HDX: variants seen among roughly 807,000 people sequenced by gnomAD.
HDX encodes the protein chromosome X open reading frame 43.
Under a neutral mutation model 45.2 loss-of-function variants are expected in HDX, and 19 were observed. The observed-to-expected ratio is 0.42, with a 90% CI of 0.29 to 0.62. The LOEUF is 0.62. HDX is among the 20% of genes least tolerant of loss of function. The pLI is 0.20. For missense variants in HDX, 532 were observed against 493.9 expected (o/e 1.08, Z -0.73); for synonymous variants, 188 against 172.8 (o/e 1.09, Z -0.69).
chrX:84,360,059 A>G (rs1267468873), intron 6 of HDX, among the ~76,000 whole-genome samples: 1 of 111,974 alleles, frequency 8.9e-6, no homozygotes, highest in Non-Finnish European at 1.9e-5. Flanking sequence ...TACACAGTCT[A>G]CGAGGAACTT....
At chrX:84,364,674 T>G (rs981789356) in intron 5 of HDX, among the ~76,000 whole-genome samples, 1 of 108,289 alleles carries the variant, frequency 9.2e-6, no homozygotes, top group African/African-American at 3.4e-5. Flanking sequence ...AGCTAATTTT[T>G]TGTATTTTTA....
chrX:84,488,324 A>AAC (rs200905875), intron 1 of HDX, among the ~76,000 whole-genome samples, 192 bp from the exon 2 acceptor site: 3,222 of 94,814 alleles, frequency 0.034, 126 homozygotes, highest in East Asian at 0.14. Flanking sequence ...TAAAATCTAA[A>AAC]ACACACACAC....
At chrX:84,391,551 G>A (rs1329057880) in intron 5 of HDX, among the ~76,000 whole-genome samples, 1 of 110,462 alleles carries the variant, frequency 9.1e-6, no homozygotes, top group East Asian at 2.9e-4. Context: ...GTGGCTCTAC[G>A]GCATTATATT....
intron 5 of HDX, among the ~76,000 whole-genome samples, chrX:84,391,549 A>G (rs1486906227): frequency 9.0e-6 from 1 of 110,988 alleles, no homozygotes; most frequent in Non-Finnish European, 1.9e-5. Context: ...TAGTGGCTCT[A>G]CGGCATTATA....
rs777763154 is a variant in HDX, at chrX:84,361,554, T to C, written c.1364A>G (p.Asp455Gly). The stretch of plus-strand genomic sequence containing the variant: ...AGAGCCCAGGCTGGTCATGCCATTG[T>C]CCCAATACTTCTTAAGGGTGGCTAA... The part of the protein sequence containing the change: ...RDLATLKKYW[D>G]NGMTSLGSVC... The change falls in exon 6 of 11, where the codon GAC (aspartate) becomes GGC (glycine). Residue 455 changes from aspartate (D) to glycine (G), a missense_variant. Coordinates refer to ENST00000373177, the MANE Select transcript of HDX (RefSeq NM_001177479.2). 5 of 1,200,935 alleles carry C rather than the reference T, an allele frequency of 4.2e-6. No individual in the cohort carries two copies. The East Asian group carries it at 1.5e-4, about 36-fold the overall frequency.
At chrX:84,454,884 T>C (rs761931574) in intron 4 of HDX, among the ~76,000 whole-genome samples, 41 of 110,652 alleles carry the variant, frequency 3.7e-4, no homozygotes, top group African/African-American at 1.3e-3. Flanking sequence ...AGAGACTTTG[T>C]TTGTTTGACA....
At chrX:84,491,565 C>A (rs1180736875) in intron 1 of HDX, among the ~76,000 whole-genome samples, 8 of 111,182 alleles carry the variant, frequency 7.2e-5, no homozygotes, top group Non-Finnish European at 1.3e-4. Flanking sequence ...TTTCCTATTT[C>A]TTTGCATGCT....
intron 7 of HDX, among the ~76,000 whole-genome samples, chrX:84,338,801 T>C (rs1048303776): frequency 9.0e-6 from 1 of 110,947 alleles, no homozygotes; most frequent in Non-Finnish European, 1.9e-5. Context: ...GATTGGATCA[T>C]GGGGGTAGAT....
At chrX:84,470,113 CTA>C (rs2040428309) in intron 3 of HDX, among the ~76,000 whole-genome samples, 1 of 111,809 alleles carries the variant, frequency 8.9e-6, no homozygotes, top group East Asian at 2.8e-4. Flanking sequence ...TAATTTCATA[CTA>C]TCAGATTATT....
chrX:84,443,757 A>G (rs1296917287), intron 4 of HDX, among the ~76,000 whole-genome samples: 1 of 112,231 alleles, frequency 8.9e-6, no homozygotes, highest in Non-Finnish European at 1.9e-5. Flanking sequence ...AGCACTTAAA[A>G]AAGTTCCGCC....
chrX:84,467,640 GGAAAA>G (rs1244921822), intron 4 of HDX, among the ~76,000 whole-genome samples: 41 of 104,415 alleles, frequency 3.9e-4, no homozygotes, highest in Non-Finnish European at 6.4e-4. Flanking sequence ...AAAAAAAAAA[GGAAAA>G]GAAAAGAAAA....
At chrX:84,333,700 T>C in intron 9 of HDX, 59 bp downstream of exon 9, 1 of 499,273 alleles carries the variant, frequency 2.0e-6, no homozygotes, top group Non-Finnish European at 3.5e-6. Context: ...ATAGGTATTG[T>C]AAAATTCTGC....
intron 6 of HDX, among the ~76,000 whole-genome samples, chrX:84,359,970 G>T (rs1454980609): frequency 1.8e-5 from 2 of 111,885 alleles, no homozygotes; most frequent in African/African-American, 6.5e-5. Context: ...CACAGCAAAA[G>T]AAACTATAAT....
At chrX:84,410,062 T>TAAAA (rs1215257762) in intron 5 of HDX, among the ~76,000 whole-genome samples, 1 of 74,575 alleles carries the variant, frequency 1.3e-5, no homozygotes, top group African/African-American at 5.2e-5. Context: ...CAAAAAAGAT[T>TAAAA]AAAAAAAAAA....
intron 4 of HDX, among the ~76,000 whole-genome samples, chrX:84,449,264 A>G (rs1453378525): frequency 8.9e-6 from 1 of 111,903 alleles, no homozygotes; most frequent in Non-Finnish European, 1.9e-5. Context: ...ATAATGACTG[A>G]AAACTTCAAA....
At chrX:84,432,190 C>T (rs748011577) in intron 5 of HDX, among the ~76,000 whole-genome samples, 1 of 111,270 alleles carries the variant, frequency 9.0e-6, no homozygotes, top group African/African-American at 3.3e-5. Context: ...TTCCATTGGT[C>T]TATGTGTCTG....
chrX:84,417,177 A>T (rs866297936), intron 5 of HDX, among the ~76,000 whole-genome samples: 3 of 102,209 alleles, frequency 2.9e-5, no homozygotes, highest in East Asian at 3.8e-4. Context: ...AAAGAATGAA[A>T]GAAAGAAAGA....
At chrX:84,408,347 T>A (rs1203260659) in intron 5 of HDX, among the ~76,000 whole-genome samples, 11 of 110,576 alleles carry the variant, frequency 9.9e-5, no homozygotes, top group Non-Finnish European at 1.9e-4. Flanking sequence ...TTGTCGAAGA[T>A]CAGATGGCTG....
At chrX:84,396,544 G>C (rs2038569264) in intron 5 of HDX, among the ~76,000 whole-genome samples, 1 of 112,067 alleles carries the variant, frequency 8.9e-6, no homozygotes, top group South Asian at 3.7e-4. Context: ...TTTCAGTTGT[G>C]GCTGTGGTGG....
Sources: gnomAD v4.1 joint callset for allele counts (sites outside exome capture counted in the v4.1 genomes callset) on GRCh38, gnomAD v4.1.1 for gene constraint, MANE v1.5 for transcripts, NCBI Gene and HGNC (gene_info 2026-07-23, HGNC 2026-07-21) for gene names.